The following ROR2 variants were observed in gnomAD, a reference collection of about 807,000 sequenced individuals.
The protein encoded by ROR2 is tyrosine-protein kinase transmembrane receptor ROR2.
Under a neutral mutation model 74.9 loss-of-function variants are expected in ROR2, and 33 were observed. The ratio of observed to expected loss-of-function variants is 0.44; its 90% CI spans 0.33 to 0.59. The LOEUF (loss-of-function observed/expected upper bound fraction) is 0.59, where lower values mean the gene tolerates loss of function less well. Ranked by LOEUF, ROR2 falls within the 20% of genes least tolerant of loss-of-function variation. ROR2 has a pLI of 0.02. For missense variants in ROR2, 1,216 were observed against 1,313.8 expected, an observed-to-expected ratio of 0.93 and a Z score of 1.15; for synonymous variants, 586 against 558.7, an observed-to-expected ratio of 1.05 and a Z score of -0.69.
chr9:91,724,742 C>T lies in ROR2; in HGVS notation c.1752G>A (p.Lys584=), dbSNP rs765776928. The stretch of plus-strand genomic sequence containing the variant: ...CGAAGTCGGGGGGCTCCAGGGCGGA[C>T]TTCACCGTGCGGTCATCATCGGTGC... ...VGSTDDDRTV[K]SALEPPDFVH... is the part of the protein sequence containing the mutation. Residue 584 remains lysine, a synonymous_variant, in exon 9 of 9, where the codon AAG becomes AAA. Coordinates refer to ENST00000375708, the MANE Select transcript of ROR2 (RefSeq NM_004560.4). 6.2e-6 allele frequency: 10 copies of T among 1,614,130 alleles called. No individual in the cohort carries two copies. Among genetic ancestry groups the T allele is most frequent in the Non-Finnish European group, 8.5e-6 (10 of 1,180,038 alleles).
At chr9:91,746,058 G>T (rs1378669691) in intron 4 of ROR2, among the ~76,000 whole-genome samples, 1 of 151,898 alleles carries the variant, frequency 6.6e-6, no homozygotes, top group African/African-American at 2.4e-5. Context: ...AGGTGGCTTG[G>T]TTTTTTTGTT....
intron 1 of ROR2, among the ~76,000 whole-genome samples, chr9:91,794,744 T>A (rs1052388851): frequency 2.0e-5 from 3 of 152,148 alleles, no homozygotes; most frequent in Non-Finnish European, 4.4e-5. Context: ...TTAATTTTTC[T>A]AATAAAAAAG....
chr9:91,724,315 C>T lies in ROR2; in HGVS notation c.2179G>A (p.Glu727Lys), dbSNP rs754848712. 5.6e-6 allele frequency: 9 copies of T among 1,613,022 alleles called. No individual in the cohort carries two copies. The highest frequency in any genetic ancestry group is 3.3e-5 in the Admixed American group (2 of 60,004). The change falls in exon 9 of 9, where the codon GAG becomes AAG. Residue 727 changes from glutamate to lysine, a missense_variant. Glu to Lys is a moderately conservative substitution (Grantham distance 56, BLOSUM62 1). Coordinates refer to ENST00000375708, the MANE Select transcript of ROR2 (RefSeq NM_004560.4). ...CGGCTGGGGAACTCGTTCCAGCACT[C>T]GATCATGAGGGCATACACCCAGGCG... Reference protein sequence around the residue: ...CPAWVYALMIECWNEFPSRRP... With the variant: ...CPAWVYALMIKCWNEFPSRRP...
chr9:91,871,911 C>G (rs1411867803), intron 1 of ROR2, among the ~76,000 whole-genome samples: 1 of 152,138 alleles, frequency 6.6e-6, no homozygotes. Flanking sequence ...CCCAGTTGAG[C>G]CTTCAGATGA....
intron 1 of ROR2, among the ~76,000 whole-genome samples, chr9:91,936,755 G>A (rs1226061756): frequency 1.3e-5 from 2 of 151,928 alleles, no homozygotes; most frequent in East Asian, 1.9e-4. Context: ...CTTCGGCCGG[G>A]CGCGGTGGCT....
intron 7 of ROR2, among the ~76,000 whole-genome samples, chr9:91,727,255 T>C (rs1026222833): frequency 1.3e-5 from 2 of 152,204 alleles, no homozygotes; most frequent in African/African-American, 4.8e-5. Context: ...TGACAGATTC[T>C]TTTAGGGTAA....
intron 1 of ROR2, among the ~76,000 whole-genome samples, chr9:91,792,595 ATG>A (rs1303970533): frequency 3.5e-4 from 53 of 152,232 alleles, no homozygotes; most frequent in Non-Finnish European, 6.5e-4. Context: ...GGCATGAGCC[ATG>A]CGCCCAGCCA....
chr9:91,879,439 GGGGTGTGT>G (rs1830044617), intron 1 of ROR2, among the ~76,000 whole-genome samples: 1 of 147,592 alleles, frequency 6.8e-6, no homozygotes, highest in African/African-American at 2.7e-5. Context: ...TGGGTGTGGG[GGGGTGTGT>G]GTGTGTGTGG....
At chr9:91,775,854 T>C (rs544640722) in intron 1 of ROR2, 36 bp from the exon 2 acceptor site, 1 of 1,594,372 alleles carries the variant, frequency 6.3e-7, no homozygotes, top group East Asian at 2.2e-5. Flanking sequence ...ATTAAACAAG[T>C]TTTCCTTTCA....
intron 1 of ROR2, among the ~76,000 whole-genome samples, chr9:91,948,374 C>G (rs549291971): frequency 6.6e-6 from 1 of 152,186 alleles, no homozygotes; most frequent in Non-Finnish European, 1.5e-5. Flanking sequence ...CTGGGAGATT[C>G]TTGGGGGAGG....
intron 1 of ROR2, among the ~76,000 whole-genome samples, chr9:91,916,869 A>T (rs565440443): frequency 7.4e-4 from 112 of 152,260 alleles, no homozygotes; most frequent in African/African-American, 2.5e-3. Flanking sequence ...ACATGGTAGA[A>T]AGATTCTCTC....
chr9:91,910,530 G>C (rs1052563333), intron 1 of ROR2, among the ~76,000 whole-genome samples: 1 of 152,046 alleles, frequency 6.6e-6, no homozygotes, highest in African/African-American at 2.4e-5. Context: ...AACCAACAGA[G>C]TGAAAACACA....
chr9:91,849,629 T>G (rs146912408), intron 1 of ROR2, among the ~76,000 whole-genome samples: 300 of 152,372 alleles, frequency 2.0e-3, no homozygotes, highest in African/African-American at 6.5e-3. Flanking sequence ...CCCTTTATTG[T>G]GTTTCATTAT....
At chr9:91,949,838 T>G in intron 1 of ROR2, 29 bp downstream of exon 1, 3 of 1,401,694 alleles carry the variant, frequency 2.1e-6, no homozygotes, top group Non-Finnish European at 9.9e-7. Context: ...AGCTACCGTC[T>G]GCGCACAAGC....
At chr9:91,809,546 TG>T (rs1827676884) in intron 1 of ROR2, among the ~76,000 whole-genome samples, 7 of 152,192 alleles carry the variant, frequency 4.6e-5, no homozygotes, top group Admixed American at 4.6e-4. Context: ...CACAGAGAGC[TG>T]GGGGTGCAGC....
chr9:91,926,004 G>C (rs1831385772), intron 1 of ROR2, among the ~76,000 whole-genome samples: 1 of 152,182 alleles, frequency 6.6e-6, no homozygotes, highest in African/African-American at 2.4e-5. Context: ...AGCACTCTGG[G>C]AGGCCGAGGC....
At chr9:91,775,209 T>C (rs1281712870) in intron 2 of ROR2, among the ~76,000 whole-genome samples, 2 of 152,224 alleles carry the variant, frequency 1.3e-5, no homozygotes, top group Admixed American at 6.5e-5. Flanking sequence ...GGGGTAACAC[T>C]ATATGCATTA....
chr9:91,823,408 C>T (rs1327002478), intron 1 of ROR2, among the ~76,000 whole-genome samples: 1 of 150,612 alleles, frequency 6.6e-6, no homozygotes, highest in Non-Finnish European at 1.5e-5. Context: ...CGGCCCACTG[C>T]AACCTCCACC....
intron 1 of ROR2, among the ~76,000 whole-genome samples, chr9:91,913,535 A>G (rs1831045669): frequency 6.6e-6 from 1 of 152,204 alleles, no homozygotes. Flanking sequence ...AGACAGAATT[A>G]CCAACAGCTG....
Sources: gnomAD v4.1 joint callset for allele counts (sites outside exome capture counted in the v4.1 genomes callset) on GRCh38, gnomAD v4.1.1 for gene constraint, MANE v1.5 for transcripts, NCBI Gene and HGNC (gene_info 2026-07-23, HGNC 2026-07-21) for gene names.